The following MICU3 variants were observed in gnomAD, a reference collection of about 807,000 sequenced individuals.
MICU3 encodes the protein mitochondrial calcium uptake 3.
In MICU3, 62 loss-of-function variants were observed where a neutral mutation model predicts 66.5. The observed-to-expected ratio is 0.93, with a 90% CI of 0.76 to 1.15. The LOEUF is 1.15. Among genes scored for constraint, MICU3 ranks in the 50% most tolerant of loss-of-function variants. MICU3 has a pLI of 0.00. For missense variants in MICU3, 779 were observed against 664.4 expected (o/e 1.17, Z -1.90); for synonymous variants, 308 against 240.7 (o/e 1.28, Z -2.59).
At chr8:17,077,709 A>G (rs1820585539) in intron 3 of MICU3, 74 bp from the exon 4 acceptor site, 1 of 1,062,802 alleles carries the variant, frequency 9.4e-7, no homozygotes, top group Non-Finnish European at 1.4e-6. Flanking sequence ...TGGCATGGAC[A>G]TTTAAACATG....
Position 17,048,870 on chromosome 8 carries a change from C to T in MICU3, c.382-15214C>T, listed in dbSNP as rs182795804. Among the ~76,000 whole-genome samples, 365 of 152,304 alleles carry T rather than the reference C, an allele frequency of 2.4e-3. 3 individuals carry two copies. Among genetic ancestry groups the T allele is most frequent in the Non-Finnish European group, 4.2e-3 (283 of 68,020 alleles). On this transcript the variant is annotated intron_variant, in intron 1 of 14. Transcript: ENST00000318063. Reference sequence around the variant, plus strand: ...CTGGGCTCAAGTGGTCCTCCCACCCCAGCCTCCCAGAGTGCTGAGATTTTC... The same window carrying T: ...CTGGGCTCAAGTGGTCCTCCCACCCTAGCCTCCCAGAGTGCTGAGATTTTC...
In MICU3 at chr8:17,122,130, A is replaced by G. The variant is rs1803239948; in HGVS notation, c.*1843A>G. The G allele has an allele frequency of 6.6e-6, 1 of 151,878 alleles. No individual in the cohort carries two copies. Among genetic ancestry groups the G allele is most frequent in the Admixed American group, 6.6e-5 (1 of 15,256 alleles). The allele number at this position is 151,878 out of a possible 1,614,324, so 9.4% of individuals were successfully genotyped here. A position where few individuals can be genotyped will look rare whatever the true frequency, so the allele number is the denominator to read the frequency against. ...AGGAAGAATAGCATTGTACATATGC[A>G]ATCTTTATTTTATTCTTTATTGCTT... On this transcript the variant is annotated 3_prime_UTR_variant, in exon 15 of 15. Coordinates refer to ENST00000318063, the MANE Select transcript of MICU3 (RefSeq NM_181723.3).
chr8:17,097,119 CCTTT>C (rs911948428), intron 8 of MICU3, among the ~76,000 whole-genome samples: 1 of 151,312 alleles, frequency 6.6e-6, no homozygotes, highest in Non-Finnish European at 1.5e-5. Context: ...TTTAACAATC[CCTTT>C]CTTTATCACA....
the MICU3 span, chr8:17,132,044 T>A: frequency 5.9e-5 from 9 of 152,342 alleles, no homozygotes; most frequent in African/African-American, 2.2e-4. Flanking sequence ...AATGAGGAGA[T>A]GCAACAATCA....
chr8:17,134,455 G>A, the MICU3 span, among the ~76,000 whole-genome samples: 19 of 151,632 alleles, frequency 1.3e-4, no homozygotes, highest in African/African-American at 4.1e-4. Flanking sequence ...TTGTTTGTTT[G>A]TTTGTTTGAG....
intron 8 of MICU3, among the ~76,000 whole-genome samples, chr8:17,097,813 A>T (rs900853416): frequency 6.6e-6 from 1 of 151,838 alleles, no homozygotes; most frequent in African/African-American, 2.4e-5. Context: ...ACACTTCCTG[A>T]TATCTCCTTC....
At chr8:17,117,968 G>C (rs1802844417) in intron 13 of MICU3, among the ~76,000 whole-genome samples, 1 of 152,176 alleles carries the variant, frequency 6.6e-6, no homozygotes, top group South Asian at 2.1e-4. Flanking sequence ...ATTCATCTGA[G>C]ACAGTATTTT....
intron 13 of MICU3, among the ~76,000 whole-genome samples, chr8:17,117,491 C>G (rs1373890084): frequency 6.6e-6 from 1 of 151,548 alleles, no homozygotes; most frequent in Non-Finnish European, 1.5e-5. Context: ...TAAATGTGTA[C>G]ATATCTAACA....
intron 1 of MICU3, among the ~76,000 whole-genome samples, chr8:17,044,542 T>TG (rs1265815658): frequency 6.6e-6 from 1 of 152,032 alleles, no homozygotes; most frequent in Non-Finnish European, 1.5e-5. Context: ...CCTAGAAAAA[T>TG]TGGTGAAAAC....
chr8:17,037,010 G>T (rs1813136041), intron 1 of MICU3, among the ~76,000 whole-genome samples: 1 of 152,194 alleles, frequency 6.6e-6, no homozygotes, highest in African/African-American at 2.4e-5. Context: ...AGCGCCCGTG[G>T]GCTGGCACTG....
At chr8:17,055,133 A>G (rs890183538) in intron 1 of MICU3, among the ~76,000 whole-genome samples, 1 of 152,192 alleles carries the variant, frequency 6.6e-6, no homozygotes, top group African/African-American at 2.4e-5. Flanking sequence ...GCAGAGTACA[A>G]CTGCAAATAA....
intron 2 of MICU3, among the ~76,000 whole-genome samples, chr8:17,066,544 T>A (rs1011501962): frequency 1.1e-3 from 65 of 61,514 alleles, no homozygotes; most frequent in Middle Eastern, 7.5e-3. Context: ...TATATATAGA[T>A]TTTTTTTTTT....
At chr8:17,126,608 G>A (rs2150853667), downstream of MICU3, among the ~76,000 whole-genome samples, 1 of 152,228 alleles carries the variant, frequency 6.6e-6, no homozygotes, top group Non-Finnish European at 1.5e-5. Flanking sequence ...TTGTTAGCAT[G>A]GGTATGTTTA....
Position 17,118,789 on chromosome 8 carries a change from T to C in MICU3, c.*14T>C. On this transcript the variant is annotated intron_variant, in intron 14 of 14. Coordinates refer to ENST00000318063, the MANE Select transcript of MICU3 (RefSeq NM_181723.3). ...CACAGCAGATAAGTATGTTAGCTTC[T>C]ATTTGTCTAAATTTGTTCAGTAACA... 1 of 1,572,208 alleles carries C rather than the reference T, an allele frequency of 6.4e-7. No individual in the cohort carries two copies. Among genetic ancestry groups the C allele is most frequent in the Non-Finnish European group, 8.7e-7 (1 of 1,143,282 alleles).
rs554546356 is a variant in MICU3, at chr8:17,061,175, G to A, written c.382-2909G>A. 3.9e-5 allele frequency among the ~76,000 whole-genome samples: 6 copies of A among 152,232 alleles called. No individual in the cohort carries two copies. In the South Asian group the frequency reaches 1.2e-3, roughly 32 times the overall value. ...CAAAGGTGGTGGCAGTGGTTTTGAT[G>A]TGTGAAATTAGAGAGAGGACTGCAG... On this transcript the variant is annotated intron_variant, in intron 1 of 14. Coordinates refer to ENST00000318063, the MANE Select transcript of MICU3 (RefSeq NM_181723.3).
intron 3 of MICU3, among the ~76,000 whole-genome samples, chr8:17,073,765 G>C (rs1819958127): frequency 6.6e-6 from 1 of 152,102 alleles, no homozygotes. Context: ...CATCAGGCAG[G>C]TGAATGAAAA....
chr8:17,085,362 C>A (rs1234486904), intron 6 of MICU3, 44 bp downstream of exon 6: 2 of 1,250,654 alleles, frequency 1.6e-6, no homozygotes, highest in Non-Finnish European at 2.3e-6. Flanking sequence ...TTAAATATTG[C>A]TTACTTATAT....
chr8:17,137,938 A>G, the MICU3 span, among the ~76,000 whole-genome samples: 3 of 151,680 alleles, frequency 2.0e-5, no homozygotes, highest in African/African-American at 4.8e-5. Context: ...GATGGTCTTG[A>G]TCTCTTGACT....
At chr8:17,073,325 T>G (rs1484203040) in intron 3 of MICU3, among the ~76,000 whole-genome samples, 2 of 152,138 alleles carry the variant, frequency 1.3e-5, no homozygotes, top group Admixed American at 1.3e-4. Flanking sequence ...TGCCTCCTGT[T>G]AGATCAGTGG....
Sources: gnomAD v4.1 joint callset for allele counts (sites outside exome capture counted in the v4.1 genomes callset) on GRCh38, gnomAD v4.1.1 for gene constraint, MANE v1.5 for transcripts, NCBI Gene and HGNC (gene_info 2026-07-23, HGNC 2026-07-21) for gene names.